LINGO2: variants seen among roughly 807,000 people sequenced by gnomAD.
LINGO2 encodes the protein leucine rich repeat and Ig domain containing 2, also known as leucine-rich repeat and immunoglobulin-like domain-containing nogo receptor-interacting protein 2.
In LINGO2, 14 loss-of-function variants were observed where a neutral mutation model predicts 30.6. That is an observed-to-expected ratio of 0.46 (90% CI 0.30 to 0.72). The LOEUF is 0.72. Among genes scored for constraint, LINGO2 ranks in the 30% least tolerant of loss-of-function variants. The pLI is 0.07. For synonymous variants in LINGO2, 317 were observed against 288.5 expected, an observed-to-expected ratio of 1.10 and a Z score of -1.00; for missense variants, 729 against 751.7, an observed-to-expected ratio of 0.97 and a Z score of 0.35.
Position 28,085,067 on chromosome 9 carries a change from A to G in LINGO2, c.-86-72662T>C, listed in dbSNP as rs575503673. Reference sequence around the variant, plus strand: ...AATGAAGCATTATTGACCCAGTATTACAGATGAGAACTCAGAGACAGAGAA... The same window carrying G: ...AATGAAGCATTATTGACCCAGTATTGCAGATGAGAACTCAGAGACAGAGAA... On this transcript the variant is annotated intron_variant, in intron 4 of 5. Transcript: ENST00000379992. Among the ~76,000 whole-genome samples, 8 of 152,256 alleles carry G rather than the reference A, an allele frequency of 5.3e-5. No homozygotes were observed. In the South Asian group the frequency reaches 1.7e-3, roughly 32 times the overall value.
At chr9:28,286,028 T>C (rs992593106) in intron 4 of LINGO2, among the ~76,000 whole-genome samples, 1 of 152,188 alleles carries the variant, frequency 6.6e-6, no homozygotes, top group African/African-American at 2.4e-5. Flanking sequence ...ACATGATACC[T>C]AATAAATGCT....
intron 4 of LINGO2, among the ~76,000 whole-genome samples, chr9:28,235,866 T>G (rs551683744): frequency 6.6e-6 from 1 of 152,292 alleles, no homozygotes; most frequent in South Asian, 2.1e-4. Context: ...TAAGAGTTAT[T>G]GACCGTAAGG....
chr9:27,968,110 T>G (rs766302633), intron 5 of LINGO2, among the ~76,000 whole-genome samples: 1 of 152,070 alleles, frequency 6.6e-6, no homozygotes, highest in Non-Finnish European at 1.5e-5. Flanking sequence ...TCTGGCTACC[T>G]TTTATATGCA....
chr9:27,991,012 A>G (rs1821371731), intron 5 of LINGO2, among the ~76,000 whole-genome samples: 1 of 152,014 alleles, frequency 6.6e-6, no homozygotes, highest in Non-Finnish European at 1.5e-5. Context: ...AGTCTTACCA[A>G]ATACAGCTGG....
the LINGO2 span, among the ~76,000 whole-genome samples, chr9:29,168,794 T>A: frequency 2.6e-5 from 4 of 152,192 alleles, no homozygotes. Flanking sequence ...TAGGAAGGAA[T>A]AGCTGTGATA....
At chr9:29,131,070 T>C in the LINGO2 span, among the ~76,000 whole-genome samples, 1 of 152,154 alleles carries the variant, frequency 6.6e-6, no homozygotes, top group African/African-American at 2.4e-5. Flanking sequence ...TGGATAATAG[T>C]AGCCATTTTT....
At chr9:29,107,324 G>C in the LINGO2 span, among the ~76,000 whole-genome samples, 1 of 152,000 alleles carries the variant, frequency 6.6e-6, no homozygotes, top group African/African-American at 2.4e-5. Context: ...ATAAGTAATT[G>C]AAAAATAATA....
the LINGO2 span, among the ~76,000 whole-genome samples, chr9:28,796,393 G>T: frequency 1.3e-5 from 2 of 151,974 alleles, no homozygotes; most frequent in African/African-American, 2.4e-5. Context: ...TCTTAAAGTT[G>T]CATCTCAAAA....
At chr9:28,985,031 A>G in the LINGO2 span, among the ~76,000 whole-genome samples, 2 of 152,024 alleles carry the variant, frequency 1.3e-5, no homozygotes, top group Non-Finnish European at 2.9e-5. Context: ...CACTGCCTCC[A>G]TCCTCCAGGC....
At chr9:28,423,977 T>G (rs1392474178) in intron 2 of LINGO2, among the ~76,000 whole-genome samples, 2 of 152,104 alleles carry the variant, frequency 1.3e-5, no homozygotes, top group African/African-American at 2.4e-5. Context: ...AGTGCCTCAC[T>G]CAGAGGGTGT....
chr9:28,166,860 C>T (rs1372471578), intron 4 of LINGO2, among the ~76,000 whole-genome samples: 1 of 152,048 alleles, frequency 6.6e-6, no homozygotes, highest in Non-Finnish European at 1.5e-5. Flanking sequence ...ATTACTCTTA[C>T]TCCCATTACT....
At chr9:28,964,700 A>G in the LINGO2 span, among the ~76,000 whole-genome samples, 2 of 152,036 alleles carry the variant, frequency 1.3e-5, no homozygotes, top group African/African-American at 4.8e-5. Context: ...TAGAGGCCTG[A>G]ATCAAGCTAT....
the LINGO2 span, among the ~76,000 whole-genome samples, chr9:29,043,535 G>C: frequency 2.7e-4 from 41 of 151,952 alleles, no homozygotes; most frequent in African/African-American, 9.4e-4. Context: ...GTTCTAACAT[G>C]TATGTGTTGA....
chr9:28,496,107 G>A (rs1296111328), intron 1 of LINGO2, among the ~76,000 whole-genome samples: 7 of 145,576 alleles, frequency 4.8e-5, no homozygotes, highest in African/African-American at 1.3e-4. Context: ...GAATAAGTGT[G>A]ATGTGGTTCT....
rs140421033 is a variant in LINGO2 at position 28,070,205 on chromosome 9, C to G, written c.-86-57800G>C. 5.3e-3 allele frequency among the ~76,000 whole-genome samples: 814 copies of G among 152,270 alleles called. 15 individuals are homozygous for G. The highest frequency in any genetic ancestry group is 0.019 in the African/African-American group (777 of 41,570). ...CATGTTATAAGCACAACTGCATATA[C>G]ACATTCCTCACTTCCTCAACCCTAG... On this transcript the variant is annotated intron_variant, in intron 4 of 5. Coordinates refer to ENST00000379992, the Ensembl canonical transcript of LINGO2.
At chr9:28,194,259 G>GA (rs1484960298) in intron 4 of LINGO2, among the ~76,000 whole-genome samples, 6 of 152,062 alleles carry the variant, frequency 3.9e-5, no homozygotes, top group Non-Finnish European at 8.8e-5. Context: ...ACAATATAGT[G>GA]AAAAGTAAAA....
chr9:28,513,756 A>G (rs1820508974), intron 1 of LINGO2, among the ~76,000 whole-genome samples: 1 of 152,334 alleles, frequency 6.6e-6, no homozygotes, highest in South Asian at 2.1e-4. Context: ...GTGATACCCA[A>G]TAAAGTATTT....
the LINGO2 span, among the ~76,000 whole-genome samples, chr9:29,135,345 G>C: frequency 6.6e-6 from 1 of 151,892 alleles, no homozygotes; most frequent in Non-Finnish European, 1.5e-5. Context: ...AGATCATTAG[G>C]TCAGGAGGTT....
At chr9:28,878,526 A>G in the LINGO2 span, among the ~76,000 whole-genome samples, 1 of 152,148 alleles carries the variant, frequency 6.6e-6, no homozygotes, top group Non-Finnish European at 1.5e-5. Context: ...CCAGGCAGAG[A>G]CACAACCAAA....
Sources: gnomAD v4.1 joint callset for allele counts (sites outside exome capture counted in the v4.1 genomes callset) on GRCh38, gnomAD v4.1.1 for gene constraint, MANE v1.5 for transcripts, NCBI Gene and HGNC (gene_info 2026-07-23, HGNC 2026-07-21) for gene names.